HDAC9: variants seen among roughly 807,000 people sequenced by gnomAD.
The protein encoded by HDAC9 is MEF-2 interacting transcription repressor (MITR) protein.
A neutral mutation model predicts 139.4 loss-of-function variants in HDAC9; 41 were observed. The observed-to-expected ratio is 0.29, with a 90% CI of 0.23 to 0.38. The LOEUF is 0.38. HDAC9 is among the 10% of genes least tolerant of loss of function. The pLI, the probability that HDAC9 is intolerant of heterozygous loss-of-function variation, is 1.00. For synonymous variants in HDAC9, 517 were observed against 476.2 expected, an observed-to-expected ratio of 1.09 and a Z score of -1.12; for missense variants, 1,147 against 1,297.0, an observed-to-expected ratio of 0.88 and a Z score of 1.78.
chr7:18,598,840 G>A (rs1375105488), intron 6 of HDAC9, among the ~76,000 whole-genome samples: 1 of 152,212 alleles, frequency 6.6e-6, no homozygotes, highest in Non-Finnish European at 1.5e-5. Flanking sequence ...TGAGGGTAAA[G>A]TTATTTGTTA....
chr7:18,938,486 TC>T (rs1469795580), intron 23 of HDAC9, among the ~76,000 whole-genome samples: 2 of 151,100 alleles, frequency 1.3e-5, no homozygotes, highest in Non-Finnish European at 2.9e-5. Flanking sequence ...TCCCAGCTAC[TC>T]CGGAGCCTGA....
intron 1 of HDAC9, among the ~76,000 whole-genome samples, chr7:18,431,877 C>A (rs1790703811): frequency 6.6e-6 from 1 of 152,160 alleles, no homozygotes; most frequent in Admixed American, 6.5e-5. Context: ...AACTTGGTAT[C>A]TGTAGAAAGA....
intron 2 of HDAC9, among the ~76,000 whole-genome samples, chr7:18,194,482 A>G (rs527797672): frequency 2.6e-5 from 4 of 152,138 alleles, no homozygotes; most frequent in Non-Finnish European, 4.4e-5. Flanking sequence ...CCGTTGTCCC[A>G]TCTCCAGAAA....
At chr7:18,987,083 G>A (rs1025235317) in intron 25 of HDAC9, among the ~76,000 whole-genome samples, 11 of 152,150 alleles carry the variant, frequency 7.2e-5, no homozygotes, top group African/African-American at 2.7e-4. Context: ...TAATTGCCCT[G>A]GCCAGAACTT....
At chr7:18,191,211 A>G (rs578211030) in intron 2 of HDAC9, among the ~76,000 whole-genome samples, 29 of 152,366 alleles carry the variant, frequency 1.9e-4, no homozygotes, top group African/African-American at 7.0e-4. Flanking sequence ...CTTACAATAA[A>G]GTAAGCTATA....
chr7:18,246,144 A>T (rs1424035343), intron 2 of HDAC9, among the ~76,000 whole-genome samples: 2 of 146,916 alleles, frequency 1.4e-5, no homozygotes, highest in Non-Finnish European at 3.0e-5. Flanking sequence ...AATAGATATT[A>T]TGGGAAAAAG....
intron 1 of HDAC9, among the ~76,000 whole-genome samples, chr7:18,115,525 T>G (rs964599677): frequency 5.9e-5 from 9 of 152,240 alleles, no homozygotes. Context: ...GAAAATGTAG[T>G]AGATTCCAGT....
chr7:18,839,924 G>A (rs1336779912), intron 21 of HDAC9, among the ~76,000 whole-genome samples: 1 of 151,928 alleles, frequency 6.6e-6, no homozygotes, highest in East Asian at 1.9e-4. Flanking sequence ...TGTTTATAGT[G>A]GGCAAGAGAC....
intron 1 of HDAC9, among the ~76,000 whole-genome samples, chr7:18,318,550 G>T (rs1477165460): frequency 1.3e-5 from 2 of 152,190 alleles, no homozygotes; most frequent in African/African-American, 4.8e-5. Flanking sequence ...AAGAAGTAAA[G>T]TGGAGTGGGG....
chr7:18,845,988 C>A (rs1403294131), intron 21 of HDAC9, among the ~76,000 whole-genome samples: 2 of 152,088 alleles, frequency 1.3e-5, no homozygotes, highest in Non-Finnish European at 2.9e-5. Flanking sequence ...TCACAAGGGC[C>A]GTAGTGGGCT....
intron 12 of HDAC9, among the ~76,000 whole-genome samples, chr7:18,679,166 T>A (rs1781719545): frequency 6.6e-6 from 1 of 151,948 alleles, no homozygotes; most frequent in Non-Finnish European, 1.5e-5. Context: ...ACTTACTGGG[T>A]CCTACCAAGT....
chr7:18,598,881 C>A (rs934551254), intron 6 of HDAC9, among the ~76,000 whole-genome samples: 15 of 152,304 alleles, frequency 9.8e-5, no homozygotes, highest in African/African-American at 3.6e-4. Flanking sequence ...TTTCAGAGCT[C>A]ACTATGGTAT....
chr7:18,750,130 C>T (rs553316918), intron 14 of HDAC9, among the ~76,000 whole-genome samples: 2 of 152,284 alleles, frequency 1.3e-5, no homozygotes, highest in East Asian at 1.9e-4. Flanking sequence ...AGGTCAAGTG[C>T]ACTTGCCTAC....
At chr7:18,464,709 G>A (rs560563284) in intron 1 of HDAC9, among the ~76,000 whole-genome samples, 1 of 152,008 alleles carries the variant, frequency 6.6e-6, no homozygotes, top group South Asian at 2.1e-4. Context: ...ATTCAAGTGT[G>A]GTCTTTTATG....
chr7:18,217,079 T>C (rs1184112106), intron 2 of HDAC9, among the ~76,000 whole-genome samples: 1 of 152,166 alleles, frequency 6.6e-6, no homozygotes, highest in Non-Finnish European at 1.5e-5. Flanking sequence ...ATCAGTCAGG[T>C]TTATTTGACA....
At chr7:18,489,863 G>A (rs1796236778) in intron 1 of HDAC9, among the ~76,000 whole-genome samples, 1 of 151,882 alleles carries the variant, frequency 6.6e-6, no homozygotes, top group African/African-American at 2.4e-5. Context: ...TGTGCAACTG[G>A]AAAACACTCA....
intron 1 of HDAC9, among the ~76,000 whole-genome samples, chr7:18,339,698 C>T (rs1781855107): frequency 6.6e-6 from 1 of 151,302 alleles, no homozygotes; most frequent in Non-Finnish European, 1.5e-5. Flanking sequence ...AAGATTTTAA[C>T]ATATATGTTT....
chr7:18,119,043 A>G (rs1035603463), intron 1 of HDAC9, among the ~76,000 whole-genome samples: 37 of 152,066 alleles, frequency 2.4e-4, no homozygotes, highest in African/African-American at 7.7e-4. Context: ...TAATTTCCTT[A>G]ATTACCATAA....
chr7:18,485,360 A>G (rs999545584), intron 1 of HDAC9, among the ~76,000 whole-genome samples: 1 of 151,976 alleles, frequency 6.6e-6, no homozygotes, highest in Non-Finnish European at 1.5e-5. Flanking sequence ...TCATTGAATC[A>G]TTGAATATGA....
Sources: allele counts gnomAD v4.1 joint callset (sites outside exome capture counted in the v4.1 genomes callset), GRCh38; gene constraint gnomAD v4.1.1; transcripts MANE v1.5; gene names NCBI Gene and HGNC (gene_info 2026-07-23, HGNC 2026-07-21).